Variants in PALLD observed in about 807,000 individuals in gnomAD.
PALLD encodes palladin, cytoskeletal associated protein, also known as palladin.
PALLD carries 61 observed loss-of-function variants against 123.5 expected under a neutral mutation model. The observed-to-expected ratio is 0.49, with a 90% CI of 0.40 to 0.61. The LOEUF (loss-of-function observed/expected upper bound fraction) is 0.61, where lower values mean the gene tolerates loss of function less well. PALLD is among the 20% of genes least tolerant of loss of function. PALLD has a pLI of 0.00. For synonymous variants in PALLD, 465 were observed against 496.4 expected, an observed-to-expected ratio of 0.94 and a Z score of 0.84; for missense variants, 1,273 against 1,377.0, an observed-to-expected ratio of 0.92 and a Z score of 1.20.
At chr4:168,829,815 T>G (rs1321019729) in intron 10 of PALLD, among the ~76,000 whole-genome samples, 1 of 152,222 alleles carries the variant, frequency 6.6e-6, no homozygotes, top group East Asian at 1.9e-4. Context: ...TTTCACTCTT[T>G]AAAGTTTGTG....
At chr4:168,905,175 G>A (rs1401303644) in intron 15 of PALLD, among the ~76,000 whole-genome samples, 1 of 110,326 alleles carries the variant, frequency 9.1e-6, no homozygotes, top group Non-Finnish European at 1.8e-5. Flanking sequence ...TTTTGAGATG[G>A]AATCTCACTC....
chr4:168,542,216 A>G (rs963177135), intron 2 of PALLD, among the ~76,000 whole-genome samples: 2 of 152,040 alleles, frequency 1.3e-5, no homozygotes, highest in Admixed American at 1.3e-4. Context: ...CTCTAGCCTG[A>G]GCAGTTTGTC....
intron 10 of PALLD, among the ~76,000 whole-genome samples, chr4:168,771,261 G>T (rs1290819615): frequency 6.6e-6 from 1 of 152,100 alleles, no homozygotes; most frequent in African/African-American, 2.4e-5. Context: ...ACAAAAGTGT[G>T]TGAATACCCC....
chr4:168,504,965 A>G (rs1310821977), intron 1 of PALLD: 1 of 152,176 alleles, frequency 6.6e-6, no homozygotes, highest in Non-Finnish European at 1.5e-5. Flanking sequence ...TACCAAGAGC[A>G]CTGTTTGACA....
intron 2 of PALLD, among the ~76,000 whole-genome samples, chr4:168,631,386 T>TG (rs2149828074): frequency 6.6e-6 from 1 of 152,332 alleles, no homozygotes; most frequent in Non-Finnish European, 1.5e-5. Context: ...CACAGCTGAA[T>TG]GGGGAGTGGC....
At position 168,925,046 on chromosome 4, in the gene PALLD, T is replaced by C. The variant is rs1762302330; in HGVS notation, c.3326T>C (p.Ile1109Thr). The stretch of plus-strand genomic sequence containing the variant: ...GTGTCAGCCAAGAATGAAGCAGGGA[T>C]TGTGTCCTGTACTGCCAGGCTGGAC... ...YTVSAKNEAG[I>T]VSCTARLDVY... The change falls in exon 20 of 22, where the codon ATT (isoleucine) becomes ACT (threonine). Residue 1109 changes from isoleucine to threonine, a missense_variant. Ile to Thr is a moderately conservative substitution (Grantham distance 89). This residue lies in a region of PALLD where 329 missense variants were observed against 422.5 expected (regional missense o/e 0.78). Transcript: ENST00000505667. The C allele has an allele frequency of 1.2e-6, 2 of 1,614,000 alleles. No homozygotes were observed. Among genetic ancestry groups the C allele is most frequent in the Non-Finnish European group, 1.7e-6 (2 of 1,179,992 alleles).
chr4:168,711,611 T>C lies in PALLD; in HGVS notation c.1652T>C (p.Met551Thr), dbSNP rs1413988104. The change falls in exon 10 of 22, where the codon ATG (methionine) becomes ACG (threonine). Residue 551 changes from methionine (M) to threonine (T), a missense_variant. By Grantham distance (81) the Met-to-Thr change is moderately conservative. Around this residue, in one of 2 missense-constraint regions of PALLD, gnomAD observed 944 missense variants for 954.5 expected, o/e 0.99. Transcript: ENST00000505667. Reference sequence around the variant, plus strand: ...ACTGAAAACTGTAGTTACGAGTCAATGGGAGAATCCAACAATGACCACTTC... The same window carrying C: ...ACTGAAAACTGTAGTTACGAGTCAACGGGAGAATCCAACAATGACCACTTC... ...ANTENCSYES[M>T]GESNNDHFQH... The C allele has an allele frequency of 4.3e-6, 7 of 1,613,992 alleles. No homozygotes were observed. The highest frequency in any genetic ancestry group is 5.9e-6 in the Non-Finnish European group (7 of 1,179,960).
Position 168,926,246 on chromosome 4 carries a change from CA to C in PALLD, c.*73del. Reference sequence around the variant, plus strand: ...CATCAGCAGTCACAGAGCACCAAGCCAAAAAAAGTACGGCCCTCAGCCAGTC... The same window carrying C: ...CATCAGCAGTCACAGAGCACCAAGCCAAAAAAGTACGGCCCTCAGCCAGTC... On this transcript the variant is annotated 3_prime_UTR_variant, in exon 22 of 22. Transcript: ENST00000505667. 2 of 1,535,886 alleles carry C rather than the reference CA, an allele frequency of 1.3e-6. No homozygotes were observed. The highest frequency in any genetic ancestry group is 1.4e-5 in the African/African-American group (1 of 73,068).
intron 10 of PALLD, among the ~76,000 whole-genome samples, chr4:168,777,901 G>C (rs1464102874): frequency 6.6e-6 from 1 of 152,162 alleles, no homozygotes; most frequent in East Asian, 1.9e-4. Context: ...AATTCAGGGA[G>C]CCAGCTGCCT....
At chr4:168,849,031 C>A (rs751165216) in intron 10 of PALLD, among the ~76,000 whole-genome samples, 2 of 152,088 alleles carry the variant, frequency 1.3e-5, no homozygotes, top group African/African-American at 4.8e-5. Context: ...TTAAAAAATT[C>A]GTTAAAAAAG....
chr4:168,886,628 G>C (rs1455869753), intron 10 of PALLD, among the ~76,000 whole-genome samples: 1 of 152,110 alleles, frequency 6.6e-6, no homozygotes, highest in Non-Finnish European at 1.5e-5. Flanking sequence ...GGGTGACAGA[G>C]CAAAACCCAG....
At chr4:168,767,735 T>TG (rs1733877527) in intron 10 of PALLD, among the ~76,000 whole-genome samples, 1 of 152,056 alleles carries the variant, frequency 6.6e-6, no homozygotes, top group African/African-American at 2.4e-5. Flanking sequence ...TTAGTAGAGA[T>TG]GGGGTTTCTC....
At chr4:168,843,300 G>A (rs1746310100) in intron 10 of PALLD, among the ~76,000 whole-genome samples, 1 of 152,186 alleles carries the variant, frequency 6.6e-6, no homozygotes, top group African/African-American at 2.4e-5. Context: ...AGTTTGGCTT[G>A]CAAAATCACA....
intron 2 of PALLD, among the ~76,000 whole-genome samples, chr4:168,538,836 G>T (rs906638986): frequency 6.6e-6 from 1 of 152,140 alleles, no homozygotes; most frequent in Admixed American, 6.5e-5. Context: ...GTGATTACCC[G>T]CGATTGGTGT....
chr4:168,512,048 A>G lies in PALLD; in HGVS notation c.544A>G (p.Ile182Val). ...AANLIEELTS[I>V]FKAAKPRNRS... ...TAATTTAATTGAGGAGCTAACATCC[A>G]TATTTAAAGCCGCAAAGCCAAGAAA... The change falls in exon 2 of 22, where the codon ATA becomes GTA. Residue 182 changes from isoleucine to valine, a missense_variant. Physicochemically the swap from Ile to Val is conservative, Grantham distance 29 (BLOSUM62 3). Coordinates refer to ENST00000505667, the MANE Select transcript of PALLD (RefSeq NM_001166108.2). 6.2e-7 allele frequency: 1 copy of G among 1,614,236 alleles called. No homozygotes were observed. Among genetic ancestry groups the G allele is most frequent in the South Asian group, 1.1e-5 (1 of 91,084 alleles).
At chr4:168,552,280 G>C (rs1766816874) in intron 2 of PALLD, among the ~76,000 whole-genome samples, 1 of 152,158 alleles carries the variant, frequency 6.6e-6, no homozygotes, top group Non-Finnish European at 1.5e-5. Context: ...CGTGGGGTGA[G>C]GGGAGGGCAG....
intron 2 of PALLD, among the ~76,000 whole-genome samples, chr4:168,596,194 C>T (rs1771956638): frequency 6.6e-6 from 1 of 152,118 alleles, no homozygotes; most frequent in African/African-American, 2.4e-5. Flanking sequence ...ATGAGACACA[C>T]TCCTACCTGC....
At chr4:168,537,129 G>T (rs1318979793) in intron 2 of PALLD, among the ~76,000 whole-genome samples, 2 of 152,116 alleles carry the variant, frequency 1.3e-5, no homozygotes, top group Admixed American at 6.5e-5. Flanking sequence ...CAGCGGAAAA[G>T]ATTTTCTAGA....
intron 2 of PALLD, chr4:168,631,901 G>T: frequency 1.0e-6 from 1 of 985,456 alleles, no homozygotes; most frequent in Non-Finnish European, 1.2e-6. Flanking sequence ...CGCCCAACTG[G>T]TAAGTGGCAG....
Sources: allele counts gnomAD v4.1 joint callset (sites outside exome capture counted in the v4.1 genomes callset), GRCh38; gene constraint gnomAD v4.1.1; regional missense constraint gnomAD v4.1.1; transcripts MANE v1.5; gene names NCBI Gene and HGNC (gene_info 2026-07-23, HGNC 2026-07-21).